WDFY3: variants seen among roughly 807,000 people sequenced by gnomAD.
The protein encoded by WDFY3 is WD repeat and FYVE domain containing 3.
In WDFY3, 66 loss-of-function variants were observed where a neutral mutation model predicts 409.6. The ratio of observed to expected loss-of-function variants is 0.16; its 90% CI spans 0.13 to 0.20. WDFY3 has a LOEUF of 0.20. Among genes scored for constraint, WDFY3 ranks in the 10% least tolerant of loss-of-function variants. WDFY3 has a pLI of 1.00. For synonymous variants in WDFY3, 1,521 were observed against 1,537.1 expected (o/e 0.99, Z 0.25); for missense variants, 3,031 against 4,298.1 (o/e 0.71, Z 8.24).
intron 36 of WDFY3, among the ~76,000 whole-genome samples, chr4:84,744,110 T>G (rs1738926427): frequency 6.8e-6 from 1 of 147,930 alleles, no homozygotes; most frequent in Non-Finnish European, 1.5e-5. Flanking sequence ...ATAGTATATA[T>G]AATATATAAA....
At chr4:84,765,117 T>G (rs1431172137) in intron 32 of WDFY3, among the ~76,000 whole-genome samples, 1 of 152,206 alleles carries the variant, frequency 6.6e-6, no homozygotes, top group African/African-American at 2.4e-5. Flanking sequence ...TTTTTAAAAT[T>G]ATTTAACTGA....
chr4:84,771,675 T>C (rs1429631092), intron 30 of WDFY3, among the ~76,000 whole-genome samples: 1 of 152,206 alleles, frequency 6.6e-6, no homozygotes, highest in Non-Finnish European at 1.5e-5. Context: ...CTTTTTGGGC[T>C]GCAGTTTCCT....
At position 84,828,990 on chromosome 4, in the gene WDFY3, T is replaced by C. The variant is rs778341430; in HGVS notation, c.956+14A>G. ...TAGACATTTAAAATACATTCTTAAA[T>C]TGAGCAGTCTTACCTAAGCAAGAGA... On this transcript the variant is annotated intron_variant, in intron 9 of 67. Coordinates refer to ENST00000295888, the MANE Select transcript of WDFY3 (RefSeq NM_014991.6). 2.6e-6 allele frequency: 4 copies of C among 1,567,732 alleles called. No individual in the cohort carries two copies. The highest frequency in any genetic ancestry group is 1.4e-5 in the African/African-American group (1 of 72,796).
At chr4:84,769,653 A>G (rs1370079305) in intron 30 of WDFY3, among the ~76,000 whole-genome samples, 2 of 151,860 alleles carry the variant, frequency 1.3e-5, no homozygotes, top group Non-Finnish European at 2.9e-5. Context: ...CGATCTCCTG[A>G]CCTCGTGATC....
At chr4:84,842,327 A>G (rs1227946100) in intron 5 of WDFY3, among the ~76,000 whole-genome samples, 1 of 151,976 alleles carries the variant, frequency 6.6e-6, no homozygotes, top group African/African-American at 2.4e-5. Context: ...AAATACAAAA[A>G]TCAGGCAGGT....
At position 84,678,099 on chromosome 4, in the gene WDFY3, G is replaced by T; in HGVS notation, c.10259+69C>A. 5 of 1,105,812 alleles carry T rather than the reference G, an allele frequency of 4.5e-6. No individual in the cohort carries two copies. The Admixed American group carries it at 8.4e-5, about 19-fold the overall frequency. The allele number at this position is 1,105,812 out of a possible 1,614,324, so 68.5% of individuals were successfully genotyped here. Reference sequence around the variant, plus strand: ...TCTGTTTTCCCCAAAGACTGGGCTGGAGTATGTGGCCCTTGGCTAACCAAA... The same window carrying T: ...TCTGTTTTCCCCAAAGACTGGGCTGTAGTATGTGGCCCTTGGCTAACCAAA... On this transcript the variant is annotated intron_variant, in intron 66 of 67. Transcript: ENST00000295888.
At chr4:84,846,661 T>A (rs886523269) in intron 5 of WDFY3, among the ~76,000 whole-genome samples, 1 of 150,416 alleles carries the variant, frequency 6.6e-6, no homozygotes, top group Non-Finnish European at 1.5e-5. Context: ...GGGTATTTCC[T>A]CACAGTACTG....
At chr4:84,851,679 G>A (rs1759031435) in intron 4 of WDFY3, among the ~76,000 whole-genome samples, 2 of 152,188 alleles carry the variant, frequency 1.3e-5, no homozygotes, top group Admixed American at 1.3e-4. Context: ...GAGAAAACCT[G>A]ATCAATCACA....
At chr4:84,735,699 C>G (rs930816281) in intron 42 of WDFY3, among the ~76,000 whole-genome samples, 4 of 152,188 alleles carry the variant, frequency 2.6e-5, no homozygotes, top group Non-Finnish European at 5.9e-5. Flanking sequence ...CATACTATTT[C>G]TCTCAGATCC....
At chr4:84,795,847 G>GA (rs1749342749) in intron 19 of WDFY3, among the ~76,000 whole-genome samples, 1 of 150,896 alleles carries the variant, frequency 6.6e-6, no homozygotes, top group East Asian at 1.9e-4. Context: ...TTAGGCTGTT[G>GA]AACTTCATGA....
In WDFY3 at chr4:84,744,620, G is replaced by A. The variant is rs554735246; in HGVS notation, c.5974-821C>T. Among the ~76,000 whole-genome samples the A allele has an allele frequency of 5.6e-3, 849 of 151,820 alleles. 4 individuals are homozygous for A. Among genetic ancestry groups the A allele is most frequent in the Non-Finnish European group, 7.6e-3 (518 of 67,876 alleles). On this transcript the variant is annotated intron_variant, in intron 36 of 67. Transcript: ENST00000295888. ...TGTAATCCCAGCACTTTGGGAGGCC[G>A]AGGCGGGCGGATCACGAGGTCAGGA... is the stretch of plus-strand genomic sequence containing the variant.
intron 13 of WDFY3, among the ~76,000 whole-genome samples, chr4:84,813,613 T>C (rs1418400205): frequency 6.6e-6 from 1 of 152,124 alleles, no homozygotes; most frequent in Non-Finnish European, 1.5e-5. Context: ...ATGCAAAATA[T>C]CATGACTCTC....
At position 84,809,950 on chromosome 4, in the gene WDFY3, G is replaced by T; in HGVS notation, c.2282C>A (p.Thr761Lys). ...AAAAAGTTTACTGCAGTGCCGTAAC[G>T]TGGGTGACACTGATTCTATTGAGAT... ...DVISIESVSP[T>K]LRHCSKLFIY... is the part of the protein sequence containing the mutation. Residue 761 changes from threonine to lysine, a missense_variant, in exon 14 of 68, where the codon ACG becomes AAG. By Grantham distance (78) the Thr-to-Lys change is moderately conservative. Transcript: ENST00000295888. 2 of 1,614,114 alleles carry T rather than the reference G, an allele frequency of 1.2e-6. No individual in the cohort carries two copies. Among genetic ancestry groups the T allele is most frequent in the South Asian group, 1.1e-5 (1 of 91,086 alleles).
chr4:84,687,832 G>A, intron 62 of WDFY3: 1 of 344,140 alleles, frequency 2.9e-6, no homozygotes, highest in Non-Finnish European at 5.3e-6. Context: ...TCCAACCTGA[G>A]TTGGTTCACC....
intron 40 of WDFY3, among the ~76,000 whole-genome samples, 176 bp downstream of exon 40, chr4:84,738,834 A>G (rs1737917049): frequency 6.6e-6 from 1 of 152,176 alleles, no homozygotes; most frequent in Non-Finnish European, 1.5e-5. Flanking sequence ...GCTTAGCAAT[A>G]TTACTGGTTA....
At chr4:84,833,079 A>T (rs1755991992) in intron 7 of WDFY3, among the ~76,000 whole-genome samples, 1 of 151,976 alleles carries the variant, frequency 6.6e-6, no homozygotes, top group African/African-American at 2.4e-5. Context: ...AAGACTCAAG[A>T]CTTCTTAAGT....
chr4:84,849,862 A>G, intron 5 of WDFY3, 40 bp downstream of exon 5: 1 of 1,604,144 alleles, frequency 6.2e-7, no homozygotes, highest in Non-Finnish European at 8.5e-7. Context: ...CTGCTTGTTC[A>G]TTCAAACAAA....
At chr4:84,931,052 A>G (rs2150957676) in intron 2 of WDFY3, among the ~76,000 whole-genome samples, 1 of 152,324 alleles carries the variant, frequency 6.6e-6, no homozygotes, top group Non-Finnish European at 1.5e-5. Context: ...TAATGTATAA[A>G]TTATACTTTG....
intron 53 of WDFY3, among the ~76,000 whole-genome samples, chr4:84,706,146 G>T (rs1479989600): frequency 4.6e-5 from 7 of 152,090 alleles, no homozygotes; most frequent in African/African-American, 1.7e-4. Flanking sequence ...ATATTTAAAA[G>T]GAAACTAAAA....
Sources: allele counts gnomAD v4.1 joint callset (sites outside exome capture counted in the v4.1 genomes callset), GRCh38; gene constraint gnomAD v4.1.1; transcripts MANE v1.5; gene names NCBI Gene and HGNC (gene_info 2026-07-23, HGNC 2026-07-21).